RAB30: variants seen among roughly 807,000 people sequenced by gnomAD.
The protein encoded by RAB30 is ras-related protein Rab-30.
A neutral mutation model predicts 25.1 loss-of-function variants in RAB30; 9 were observed. The observed-to-expected ratio is 0.36, with a 90% CI of 0.22 to 0.63. The LOEUF is 0.63. Among genes scored for constraint, RAB30 ranks in the 20% least tolerant of loss-of-function variants. The probability of loss-of-function intolerance (pLI) is 0.69; values close to 1 mark genes in which losing one functional copy is unlikely to be tolerated. For synonymous variants in RAB30, 77 were observed against 86.4 expected (o/e 0.89, Z 0.60); for missense variants, 140 against 243.5 (o/e 0.58, Z 2.83).
At chr11:83,014,886 G>C (rs1195565574) in intron 1 of RAB30, among the ~76,000 whole-genome samples, 1 of 152,080 alleles carries the variant, frequency 6.6e-6, no homozygotes, top group Non-Finnish European at 1.5e-5. Context: ...GGCGAGTCAA[G>C]CACATGAAGA....
At chr11:83,057,349 A>G (rs1041458198) in intron 1 of RAB30, among the ~76,000 whole-genome samples, 7 of 152,154 alleles carry the variant, frequency 4.6e-5, no homozygotes, top group Non-Finnish European at 1.0e-4. Context: ...TGAGCTCTCT[A>G]CCCAACTTCC....
At chr11:83,024,004 A>G (rs1857650398) in intron 1 of RAB30, among the ~76,000 whole-genome samples, 1 of 152,138 alleles carries the variant, frequency 6.6e-6, no homozygotes, top group Non-Finnish European at 1.5e-5. Context: ...CCCACTGCTC[A>G]CAATTATTTA....
At chr11:83,033,290 T>C (rs1205823458) in intron 1 of RAB30, among the ~76,000 whole-genome samples, 1 of 152,076 alleles carries the variant, frequency 6.6e-6, no homozygotes, top group African/African-American at 2.4e-5. Flanking sequence ...GGTCTCGAAC[T>C]CCTGACCTCA....
rs1856494481 is a variant in RAB30, at chr11:82,973,747, G to T, written c.*8418C>A. 6.6e-6 allele frequency: 1 copy of T among 152,118 alleles called. No individual in the cohort carries two copies. Among genetic ancestry groups the T allele is most frequent in the Admixed American group, 6.6e-5 (1 of 15,264 alleles). 9.4% of individuals were successfully genotyped at this position (152,118 alleles called of 1,614,324 possible). ...AAACATAAATGATTTGATTTGATTT[G>T]TCAGACTAATTGTTTTTAAGAGAGA... On this transcript the variant is annotated 3_prime_UTR_variant, in exon 5 of 5. Coordinates refer to ENST00000527633, the MANE Select transcript of RAB30 (RefSeq NM_001286060.2).
At chr11:83,058,330 G>A (rs1159337801) in intron 1 of RAB30, among the ~76,000 whole-genome samples, 2 of 152,044 alleles carry the variant, frequency 1.3e-5, no homozygotes. Flanking sequence ...CCAAATAATG[G>A]CCTTTATGGC....
chr11:83,040,530 G>A (rs1443979590), intron 1 of RAB30, among the ~76,000 whole-genome samples: 3 of 151,018 alleles, frequency 2.0e-5, no homozygotes, highest in African/African-American at 7.3e-5. Context: ...GGCGGAGGTT[G>A]CAGTGAGCCG....
At chr11:82,982,632 G>A (rs1194316017) in intron 4 of RAB30, among the ~76,000 whole-genome samples, 3 of 152,194 alleles carry the variant, frequency 2.0e-5, no homozygotes, top group African/African-American at 7.2e-5. Flanking sequence ...AGGAGGCCAA[G>A]GCGGGTGGAT....
At chr11:83,016,512 A>G (rs1232492004) in intron 1 of RAB30, among the ~76,000 whole-genome samples, 1 of 152,234 alleles carries the variant, frequency 6.6e-6, no homozygotes, top group Non-Finnish European at 1.5e-5. Context: ...TAATCCAGTG[A>G]TTAGATAAAT....
At chr11:83,025,125 A>G (rs545480838) in intron 1 of RAB30, among the ~76,000 whole-genome samples, 65 of 152,336 alleles carry the variant, frequency 4.3e-4, no homozygotes, top group African/African-American at 1.5e-3. Flanking sequence ...ATCCATTTGC[A>G]TTTTACCAGG....
intron 1 of RAB30, among the ~76,000 whole-genome samples, chr11:83,017,922 A>C (rs753636056): frequency 6.6e-6 from 1 of 152,190 alleles, no homozygotes; most frequent in Non-Finnish European, 1.5e-5. Flanking sequence ...ATCAAATGGT[A>C]GTTCTACTTT....
At chr11:82,995,747 G>C (rs570271433) in intron 2 of RAB30, among the ~76,000 whole-genome samples, 1 of 152,314 alleles carries the variant, frequency 6.6e-6, no homozygotes, top group South Asian at 2.1e-4. Flanking sequence ...AGAATGTATA[G>C]GAGACAAATT....
intron 1 of RAB30, among the ~76,000 whole-genome samples, chr11:83,046,334 AGT>A (rs1858232890): frequency 6.6e-6 from 1 of 152,102 alleles, no homozygotes; most frequent in African/African-American, 2.4e-5. Context: ...TCCTTTTCTA[AGT>A]GTCACCACTT....
chr11:83,059,253 T>G (rs912022794), intron 1 of RAB30, among the ~76,000 whole-genome samples: 2 of 152,134 alleles, frequency 1.3e-5, no homozygotes, highest in Non-Finnish European at 2.9e-5. Flanking sequence ...CTTTCCAGGG[T>G]TTCTGTGTGC....
chr11:82,984,147 A>T (rs1384973002), intron 4 of RAB30, among the ~76,000 whole-genome samples: 1 of 152,196 alleles, frequency 6.6e-6, no homozygotes, highest in Admixed American at 6.5e-5. Flanking sequence ...TTATCTGGCA[A>T]CACCGCTTAT....
chr11:83,035,699 G>C (rs1857972580), intron 1 of RAB30: 1 of 152,260 alleles, frequency 6.6e-6, no homozygotes, highest in Non-Finnish European at 1.5e-5. Flanking sequence ...ACGATGTTAG[G>C]TTTGATAATT....
At chr11:83,068,605 C>G (rs1162274569) in intron 1 of RAB30, among the ~76,000 whole-genome samples, 1 of 152,206 alleles carries the variant, frequency 6.6e-6, no homozygotes, top group African/African-American at 2.4e-5. Context: ...GCCCACCTCT[C>G]CAGCCTCATT....
chr11:83,033,898 AAAAC>A (rs994087507), intron 1 of RAB30, among the ~76,000 whole-genome samples: 3 of 151,188 alleles, frequency 2.0e-5, no homozygotes, highest in Non-Finnish European at 2.9e-5. Flanking sequence ...CAAACAAACA[AAAAC>A]AAAAAAGAAT....
At chr11:83,021,509 C>G (rs931457563) in intron 1 of RAB30, among the ~76,000 whole-genome samples, 2 of 152,230 alleles carry the variant, frequency 1.3e-5, no homozygotes, top group African/African-American at 4.8e-5. Context: ...AGCGCCCATG[C>G]AAGCACCTTG....
rs1856512515 is a variant in RAB30, at chr11:82,974,703, T to C, written c.*7462A>G. On this transcript the variant is annotated 3_prime_UTR_variant, in exon 5 of 5. Coordinates refer to ENST00000527633, the MANE Select transcript of RAB30 (RefSeq NM_001286060.2). ...AAAGATCCATGTTTCAATGGAGTGA[T>C]AGGAAATGTGGGGGAGATCAAGGAT... 6.6e-6 allele frequency: 1 copy of C among 152,130 alleles called. No individual in the cohort carries two copies. The highest frequency in any genetic ancestry group is 2.4e-5 in the African/African-American group (1 of 41,448). 9.4% of individuals were successfully genotyped at this position (152,130 alleles called of 1,614,324 possible). A position where few individuals can be genotyped will look rare whatever the true frequency, so the allele number is the denominator to read the frequency against.
Sources: allele counts gnomAD v4.1 joint callset (sites outside exome capture counted in the v4.1 genomes callset), GRCh38; gene constraint gnomAD v4.1.1; transcripts MANE v1.5; gene names NCBI Gene and HGNC (gene_info 2026-07-23, HGNC 2026-07-21).